Variants in BACH1 observed in about 807,000 individuals in gnomAD.
BACH1 encodes the protein transcription regulator protein BACH1.
Under a neutral mutation model 52.9 loss-of-function variants are expected in BACH1, and 35 were observed. The ratio of observed to expected loss-of-function variants is 0.66; its 90% CI spans 0.51 to 0.88. The LOEUF is 0.88. Ranked by LOEUF, BACH1 falls within the 40% of genes least tolerant of loss-of-function variation. BACH1 has a pLI of 0.00. For missense variants in BACH1, 808 were observed against 872.6 expected, an observed-to-expected ratio of 0.93 and a Z score of 0.93; for synonymous variants, 321 against 319.6, an observed-to-expected ratio of 1.00 and a Z score of -0.05.
chr21:29,309,919 A>G (rs1164342980), intron 1 of BACH1, among the ~76,000 whole-genome samples: 1 of 152,182 alleles, frequency 6.6e-6, no homozygotes, highest in Non-Finnish European at 1.5e-5. Flanking sequence ...TAGGCTATCT[A>G]TTCAGTTTCA....
rs1265237584 is a variant in BACH1, at chr21:29,353,406, A to G, written c.472+23713A>G. On this transcript the variant is annotated intron_variant, in intron 2 of 4. Transcript: ENST00000422809. ...TCATCGTCTTGTATAGAATGGTACCATCCAATTCAGTACCCACTAGCCACA... is the reference window on the plus strand; with the variant it reads ...TCATCGTCTTGTATAGAATGGTACCGTCCAATTCAGTACCCACTAGCCACA... 2.0e-5 allele frequency among the ~76,000 whole-genome samples: 3 copies of G among 152,164 alleles called. No individual in the cohort carries two copies. In the South Asian group the frequency reaches 6.2e-4, roughly 31 times the overall value.
At chr21:29,325,857 T>C (rs1315261888) in intron 2 of BACH1, among the ~76,000 whole-genome samples, 1 of 152,218 alleles carries the variant, frequency 6.6e-6, no homozygotes, top group African/African-American at 2.4e-5. Flanking sequence ...AAATAGTGTG[T>C]GGTCCCTGTG....
intron 4 of BACH1, among the ~76,000 whole-genome samples, chr21:29,339,466 A>G (rs974341503): frequency 6.6e-6 from 1 of 152,056 alleles, no homozygotes; most frequent in Non-Finnish European, 1.5e-5. Context: ...ACCATTTTCT[A>G]ACAGTGAGTA....
At chr21:29,360,331 C>T (rs573279231) in intron 2 of BACH1, among the ~76,000 whole-genome samples, 7 of 152,290 alleles carry the variant, frequency 4.6e-5, no homozygotes, top group East Asian at 3.9e-4. Context: ...GCTCACAAAA[C>T]GTAGCTGTCC....
At chr21:29,334,989 A>G (rs1047447028) in intron 4 of BACH1, among the ~76,000 whole-genome samples, 3 of 152,196 alleles carry the variant, frequency 2.0e-5, no homozygotes, top group African/African-American at 7.2e-5. Flanking sequence ...TTGGCATCAT[A>G]GTTATCTTGG....
At chr21:29,317,658 T>C (rs2088803715) in intron 1 of BACH1, among the ~76,000 whole-genome samples, 1 of 152,186 alleles carries the variant, frequency 6.6e-6, no homozygotes, top group Admixed American at 6.5e-5. Flanking sequence ...TGCCATTTAT[T>C]TGGAAGATGA....
At chr21:29,315,965 TGTATG>T (rs2088781476) in intron 1 of BACH1, among the ~76,000 whole-genome samples, 1 of 152,042 alleles carries the variant, frequency 6.6e-6, no homozygotes, top group African/African-American at 2.4e-5. Flanking sequence ...AGATAAAAAA[TGTATG>T]GTAGCCTTTT....
At chr21:29,320,335 T>C (rs1224601427) in intron 1 of BACH1, among the ~76,000 whole-genome samples, 1 of 152,196 alleles carries the variant, frequency 6.6e-6, no homozygotes, top group Non-Finnish European at 1.5e-5. Context: ...TACTTTGAAC[T>C]TCTGTGTTTC....
At chr21:29,347,366 G>T (rs1337581723), downstream of BACH1, among the ~76,000 whole-genome samples, 6 of 152,158 alleles carry the variant, frequency 3.9e-5, no homozygotes, top group Non-Finnish European at 8.8e-5. Context: ...GTAAGGGGTG[G>T]GCCGAGCCAA....
rs906193032 is a variant in BACH1 at position 29,342,646 on chromosome 21, G to A, written c.2024G>A (p.Arg675Gln). The change falls in exon 5 of 5, where the codon CGG becomes CAG. Residue 675 changes from arginine (R) to glutamine (Q), a missense_variant. Arg to Gln is a conservative substitution (Grantham distance 43, BLOSUM62 1). Coordinates refer to ENST00000286800, the MANE Select transcript of BACH1 (RefSeq NM_001186.4). Reference sequence around the variant, plus strand: ...CCATCAATTTTCAGTTTATCTGACCGGCCTCCAGCAGTGCTGCCTCCCTGT... The same window carrying A: ...CCATCAATTTTCAGTTTATCTGACCAGCCTCCAGCAGTGCTGCCTCCCTGT... ...ALPSIFSLSDRPPAVLPPCAR... is the reference protein window; with the variant it reads ...ALPSIFSLSDQPPAVLPPCAR... 1.6e-5 allele frequency: 26 copies of A among 1,613,956 alleles called. No individual in the cohort carries two copies. Among genetic ancestry groups the A allele is most frequent in the African/African-American group, 4.0e-5 (3 of 74,872 alleles).
rs2088843800 is a variant in BACH1, at chr21:29,321,246, TCC to T, written c.-34_-33del. ...GTTGATGATAATTAGAAGCATGCTT[TCC>T]ACTGAACTTCCCGACAACATTTGTT... On this transcript the variant is annotated 5_prime_UTR_variant, in exon 2 of 5. It introduces an in-frame stop codon into an upstream open reading frame of the 5' UTR. Coordinates refer to ENST00000286800, the MANE Select transcript of BACH1 (RefSeq NM_001186.4). 1 of 1,538,650 alleles carries T rather than the reference TCC, an allele frequency of 6.5e-7. No homozygotes were observed. The highest frequency in any genetic ancestry group is 2.3e-5 in the East Asian group (1 of 44,182).
At chr21:29,330,234 G>A (rs371329225) in intron 4 of BACH1, among the ~76,000 whole-genome samples, 4 of 152,112 alleles carry the variant, frequency 2.6e-5, no homozygotes, top group South Asian at 2.1e-4. Context: ...GTGCGATCTC[G>A]GCTCACTGCA....
chr21:29,328,447 G>A (rs1269947524), intron 3 of BACH1, among the ~76,000 whole-genome samples: 1 of 150,954 alleles, frequency 6.6e-6, no homozygotes, highest in Non-Finnish European at 1.5e-5. Context: ...CCTTTCAATA[G>A]TTGGCTTTTC....
chr21:29,357,499 G>A (rs140714068), intron 2 of BACH1, among the ~76,000 whole-genome samples: 2 of 152,314 alleles, frequency 1.3e-5, no homozygotes, highest in South Asian at 2.1e-4. Context: ...TATCTGAGTA[G>A]GTGGTTGTCT....
chr21:29,354,600 C>T (rs943275790), intron 2 of BACH1, among the ~76,000 whole-genome samples: 3 of 152,124 alleles, frequency 2.0e-5, no homozygotes, highest in African/African-American at 7.2e-5. Context: ...GAACCACAGA[C>T]GATCCCCAGG....
intron 1 of BACH1, among the ~76,000 whole-genome samples, chr21:29,320,355 A>G (rs182870385): frequency 3.9e-5 from 6 of 152,332 alleles, no homozygotes; most frequent in Non-Finnish European, 1.5e-5. Flanking sequence ...CTCAGAACAT[A>G]TATATCAGAA....
At chr21:29,358,075 G>A (rs745985408) in intron 2 of BACH1, among the ~76,000 whole-genome samples, 1 of 152,170 alleles carries the variant, frequency 6.6e-6, no homozygotes. Flanking sequence ...TGGAAGTGGG[G>A]ATGCTCTTCC....
chr21:29,358,533 A>G (rs569383994), intron 2 of BACH1, among the ~76,000 whole-genome samples: 1 of 152,240 alleles, frequency 6.6e-6, no homozygotes. Flanking sequence ...CGAGATCAGG[A>G]GTTCAAGACC....
intron 1 of BACH1, among the ~76,000 whole-genome samples, chr21:29,305,598 GA>G (rs2088647455): frequency 6.6e-6 from 1 of 152,126 alleles, no homozygotes; most frequent in Admixed American, 6.6e-5. Flanking sequence ...TGCCAGTGTG[GA>G]AACAGCCTCT....
Sources: gnomAD v4.1 joint callset for allele counts (sites outside exome capture counted in the v4.1 genomes callset) on GRCh38, gnomAD v4.1.1 for gene constraint, MANE v1.5 for transcripts, NCBI Gene and HGNC (gene_info 2026-07-23, HGNC 2026-07-21) for gene names.